LSAMP: variants seen among roughly 807,000 people sequenced by gnomAD.
LSAMP encodes the protein limbic system-associated membrane protein.
In LSAMP, 7 loss-of-function variants were observed where a neutral mutation model predicts 38.6. The observed-to-expected ratio is 0.18, with a 90% CI of 0.10 to 0.34. LSAMP has a LOEUF of 0.34. Ranked by LOEUF, LSAMP falls within the 10% of genes least tolerant of loss-of-function variation. LSAMP has a pLI of 1.00. For missense variants in LSAMP, 313 were observed against 420.0 expected, an observed-to-expected ratio of 0.75 and a Z score of 2.23; for synonymous variants, 154 against 166.8, an observed-to-expected ratio of 0.92 and a Z score of 0.59.
chr3:116,393,728 A>T (rs2048732541), intron 1 of LSAMP, among the ~76,000 whole-genome samples: 1 of 152,184 alleles, frequency 6.6e-6, no homozygotes, highest in African/African-American at 2.4e-5. Context: ...CCAATCTATG[A>T]TATCCTTTTA....
At chr3:116,381,907 A>G (rs990598985) in intron 1 of LSAMP, among the ~76,000 whole-genome samples, 4 of 152,080 alleles carry the variant, frequency 2.6e-5, no homozygotes, top group Non-Finnish European at 5.9e-5. Context: ...AGGTTGGAAA[A>G]CTATGTTTTG....
intron 1 of LSAMP, among the ~76,000 whole-genome samples, chr3:116,332,082 T>C (rs576995178): frequency 1.3e-5 from 2 of 152,220 alleles, no homozygotes; most frequent in East Asian, 3.9e-4. Flanking sequence ...TCAAGCAATC[T>C]TCCAGGCTTG....
At chr3:115,925,015 G>A (rs1224449009) in intron 3 of LSAMP, among the ~76,000 whole-genome samples, 8 of 152,124 alleles carry the variant, frequency 5.3e-5, no homozygotes, top group Admixed American at 5.2e-4. Context: ...CATGTTCTAG[G>A]TATATGAGAC....
chr3:116,318,638 G>C (rs751819532), intron 1 of LSAMP, among the ~76,000 whole-genome samples: 1 of 152,094 alleles, frequency 6.6e-6, no homozygotes, highest in Non-Finnish European at 1.5e-5. Flanking sequence ...TAAACATAAC[G>C]CAGCTAGCAT....
intron 1 of LSAMP, among the ~76,000 whole-genome samples, chr3:116,093,723 C>A (rs1325514801): frequency 6.6e-6 from 1 of 152,028 alleles, no homozygotes; most frequent in African/African-American, 2.4e-5. Context: ...AAAACTTTTT[C>A]ATTGACCTTT....
chr3:116,113,720 C>T (rs1036208888), intron 1 of LSAMP, among the ~76,000 whole-genome samples: 24 of 152,026 alleles, frequency 1.6e-4, no homozygotes, highest in African/African-American at 1.2e-4. Flanking sequence ...CCACCGCGCC[C>T]GGCCCTTTGC....
chr3:116,409,159 C>T (rs985578281), intron 1 of LSAMP, among the ~76,000 whole-genome samples: 10 of 151,986 alleles, frequency 6.6e-5, no homozygotes, highest in Non-Finnish European at 1.3e-4. Context: ...TTATGAGACA[C>T]AGTAAAAGTT....
At chr3:115,924,293 TA>T (rs1200341185) in intron 3 of LSAMP, among the ~76,000 whole-genome samples, 1 of 152,170 alleles carries the variant, frequency 6.6e-6, no homozygotes, top group East Asian at 1.9e-4. Context: ...TAATCTTCTT[TA>T]TTTGGATCAG....
chr3:116,018,875 T>C (rs973058643), intron 3 of LSAMP, among the ~76,000 whole-genome samples: 1 of 152,116 alleles, frequency 6.6e-6, no homozygotes, highest in African/African-American at 2.4e-5. Flanking sequence ...CTGGGACTCA[T>C]AATGAGTTCA....
At chr3:116,295,637 C>T (rs1306669708) in intron 1 of LSAMP, among the ~76,000 whole-genome samples, 2 of 152,096 alleles carry the variant, frequency 1.3e-5, no homozygotes, top group South Asian at 2.1e-4. Context: ...GGCATTATTG[C>T]TAATACTAAA....
chr3:116,053,389 T>C (rs1208741475), intron 2 of LSAMP, among the ~76,000 whole-genome samples: 2 of 152,164 alleles, frequency 1.3e-5, no homozygotes, highest in Admixed American at 1.3e-4. Flanking sequence ...GAGACAGGAA[T>C]ATAGGCAACC....
intron 1 of LSAMP, among the ~76,000 whole-genome samples, chr3:116,354,845 ATGTGTG>A (rs56975134): frequency 0.01 from 1,490 of 146,402 alleles, 12 homozygotes; most frequent in Non-Finnish European, 0.014. Flanking sequence ...GGGTGTATAT[ATGTGTG>A]TGTGTGTGTG....
intron 3 of LSAMP, among the ~76,000 whole-genome samples, chr3:115,960,284 AC>A (rs1196641386): frequency 1.3e-5 from 2 of 152,136 alleles, no homozygotes; most frequent in African/African-American, 4.8e-5. Context: ...ACACAGAACA[AC>A]CTACAAGCCA....
At chr3:116,411,937 T>C (rs902716190) in intron 1 of LSAMP, among the ~76,000 whole-genome samples, 3 of 151,984 alleles carry the variant, frequency 2.0e-5, no homozygotes, top group Non-Finnish European at 4.4e-5. Flanking sequence ...CCCCCATTTC[T>C]CTGTCTTGTA....
At chr3:116,149,791 A>G (rs1396392779) in intron 1 of LSAMP, among the ~76,000 whole-genome samples, 1 of 152,006 alleles carries the variant, frequency 6.6e-6, no homozygotes, top group Non-Finnish European at 1.5e-5. Context: ...GAGCTCTTGA[A>G]TAAATATCTT....
At chr3:116,141,872 T>C (rs1222940150) in intron 1 of LSAMP, among the ~76,000 whole-genome samples, 3 of 151,950 alleles carry the variant, frequency 2.0e-5, no homozygotes, top group Non-Finnish European at 4.4e-5. Context: ...GGAAAGAATA[T>C]GACTTAGGCA....
intron 1 of LSAMP, among the ~76,000 whole-genome samples, chr3:116,099,588 T>A (rs1352231984): frequency 6.6e-6 from 1 of 152,190 alleles, no homozygotes. Context: ...ATAAGTCACC[T>A]CTGTCTGGCT....
At chr3:116,315,432 T>G (rs940982946) in intron 1 of LSAMP, among the ~76,000 whole-genome samples, 3 of 152,150 alleles carry the variant, frequency 2.0e-5, no homozygotes, top group Non-Finnish European at 4.4e-5. Context: ...ATATCTATGT[T>G]AGAAATGGGG....
chr3:115,862,835 A>C (rs1333035049), intron 3 of LSAMP, among the ~76,000 whole-genome samples: 1 of 152,124 alleles, frequency 6.6e-6, no homozygotes, highest in Admixed American at 6.6e-5. Context: ...CAGGATTTTT[A>C]GCCTTTCTGT....
Sources: gnomAD v4.1 joint callset for allele counts (sites outside exome capture counted in the v4.1 genomes callset) on GRCh38, gnomAD v4.1.1 for gene constraint, MANE v1.5 for transcripts, NCBI Gene and HGNC (gene_info 2026-07-23, HGNC 2026-07-21) for gene names.